The following CACNA2D3 variants were observed in gnomAD, a reference collection of about 807,000 sequenced individuals.
CACNA2D3 encodes voltage-dependent calcium channel subunit alpha-2/delta-3.
Under a neutral mutation model 160.6 loss-of-function variants are expected in CACNA2D3, and 60 were observed. The observed-to-expected ratio is 0.37, with a 90% CI of 0.30 to 0.46. CACNA2D3 has a LOEUF of 0.46. Ranked by LOEUF, CACNA2D3 falls within the 20% of genes least tolerant of loss-of-function variation. The pLI is 1.00. For synonymous variants in CACNA2D3, 558 were observed against 492.9 expected, an observed-to-expected ratio of 1.13 and a Z score of -1.75; for missense variants, 1,205 against 1,365.0, an observed-to-expected ratio of 0.88 and a Z score of 1.85.
At chr3:54,777,501 T>C (rs1277313944) in intron 13 of CACNA2D3, among the ~76,000 whole-genome samples, 1 of 152,234 alleles carries the variant, frequency 6.6e-6, no homozygotes, top group Non-Finnish European at 1.5e-5. Context: ...CAGTAGTTTA[T>C]TCAGGCAGAA....
intron 11 of CACNA2D3, among the ~76,000 whole-genome samples, chr3:54,643,888 C>T (rs1699579656): frequency 6.6e-6 from 1 of 152,164 alleles, no homozygotes; most frequent in South Asian, 2.1e-4. Flanking sequence ...ATAGAATGTT[C>T]ACAGATGTCA....
intron 11 of CACNA2D3, among the ~76,000 whole-genome samples, chr3:54,747,946 A>G (rs898195687): frequency 2.0e-5 from 3 of 152,208 alleles, no homozygotes; most frequent in African/African-American, 7.2e-5. Context: ...ATACATAAAC[A>G]TTCTCTATGA....
intron 4 of CACNA2D3, among the ~76,000 whole-genome samples, chr3:54,492,201 T>C (rs6804590): frequency 0.99 from 150,994 of 152,276 alleles, 74,875 homozygotes; most frequent in Middle Eastern, 1. Context: ...GACAGTGGCA[T>C]TAAAGGAGAG....
At chr3:54,191,811 C>T (rs1452680389) in intron 2 of CACNA2D3, among the ~76,000 whole-genome samples, 1 of 152,048 alleles carries the variant, frequency 6.6e-6, no homozygotes, top group East Asian at 1.9e-4. Context: ...GCAGGGCTGC[C>T]GTGAAGAGAG....
rs1700150870 is a variant in CACNA2D3 at position 54,894,774 on chromosome 3, A to C, written c.2247-1975A>C. On this transcript the variant is annotated intron_variant, in intron 25 of 37. Coordinates refer to ENST00000474759, the MANE Select transcript of CACNA2D3 (RefSeq NM_018398.3). Reference sequence around the variant, plus strand: ...TTCATGTCTAGCGAAAGAAATGAAAAGGCTAAAATTTCAGTATTCCTGAAG... The same window carrying C: ...TTCATGTCTAGCGAAAGAAATGAAACGGCTAAAATTTCAGTATTCCTGAAG... 4 of 429,088 alleles carry C rather than the reference A, an allele frequency of 9.3e-6. No individual in the cohort carries two copies. The Admixed American group carries it at 1.0e-4, about 11-fold the overall frequency. The allele number at this position is 429,088 out of a possible 1,614,324, so 26.6% of individuals were successfully genotyped here. A position where few individuals can be genotyped will look rare whatever the true frequency, so the allele number is the denominator to read the frequency against.
chr3:54,851,615 T>C (rs1452138604), intron 17 of CACNA2D3, among the ~76,000 whole-genome samples: 1 of 152,196 alleles, frequency 6.6e-6, no homozygotes, highest in African/African-American at 2.4e-5. Flanking sequence ...GAGGTAATCA[T>C]GTCAGAATCT....
At chr3:54,185,781 C>T (rs1251307217) in intron 2 of CACNA2D3, among the ~76,000 whole-genome samples, 1 of 152,166 alleles carries the variant, frequency 6.6e-6, no homozygotes, top group East Asian at 1.9e-4. Flanking sequence ...TTGGATTAGG[C>T]TTGCAGGTCA....
chr3:54,914,658 T>C (rs1700624179), intron 27 of CACNA2D3, among the ~76,000 whole-genome samples: 1 of 152,176 alleles, frequency 6.6e-6, no homozygotes, highest in Non-Finnish European at 1.5e-5. Flanking sequence ...CTTCTCTGAA[T>C]GGGGTAGGGG....
chr3:54,717,620 GTGTGCA>G (rs1701076980), intron 11 of CACNA2D3, among the ~76,000 whole-genome samples: 1 of 142,022 alleles, frequency 7.0e-6, no homozygotes, highest in East Asian at 2.2e-4. Flanking sequence ...GGTGTGTGTA[GTGTGCA>G]TGTGTGTGTG....
At chr3:54,564,159 G>A (rs7427383) in intron 6 of CACNA2D3, among the ~76,000 whole-genome samples, 1 of 151,806 alleles carries the variant, frequency 6.6e-6, no homozygotes, top group Non-Finnish European at 1.5e-5. Flanking sequence ...GTAGCCAACC[G>A]TCTCGCTATG....
intron 11 of CACNA2D3, among the ~76,000 whole-genome samples, chr3:54,734,457 A>G (rs1195844804): frequency 6.6e-6 from 1 of 152,176 alleles, no homozygotes; most frequent in East Asian, 1.9e-4. Context: ...GGAGGCCAGA[A>G]TAATATAAAA....
At chr3:54,514,959 A>G (rs1427741316) in intron 5 of CACNA2D3, among the ~76,000 whole-genome samples, 1 of 152,204 alleles carries the variant, frequency 6.6e-6, no homozygotes, top group Non-Finnish European at 1.5e-5. Context: ...CTGTAGAAAA[A>G]GAAAGCCGTT....
At chr3:54,486,920 G>C (rs1209064433) in intron 4 of CACNA2D3, among the ~76,000 whole-genome samples, 1 of 152,186 alleles carries the variant, frequency 6.6e-6, no homozygotes, top group Non-Finnish European at 1.5e-5. Context: ...GCATTTGCCT[G>C]TTTCTCTACC....
intron 4 of CACNA2D3, among the ~76,000 whole-genome samples, chr3:54,443,610 C>T (rs965131750): frequency 5.9e-5 from 9 of 152,142 alleles, no homozygotes. Flanking sequence ...CCTGGTGGAG[C>T]AGACAGATCC....
chr3:54,502,892 A>G (rs1213118367), intron 4 of CACNA2D3, among the ~76,000 whole-genome samples: 2 of 152,196 alleles, frequency 1.3e-5, no homozygotes, highest in Admixed American at 1.3e-4. Flanking sequence ...AAATCATGCC[A>G]GCACACTCCC....
At chr3:54,614,762 C>A (rs1197224386) in intron 9 of CACNA2D3, among the ~76,000 whole-genome samples, 1 of 152,070 alleles carries the variant, frequency 6.6e-6, no homozygotes. Context: ...TAGCAGGAAG[C>A]TATCAACTAC....
chr3:54,789,177 T>C (rs1702696793), intron 13 of CACNA2D3, among the ~76,000 whole-genome samples: 1 of 152,214 alleles, frequency 6.6e-6, no homozygotes, highest in Non-Finnish European at 1.5e-5. Flanking sequence ...AACAGTCTTA[T>C]GAGATAGGTA....
chr3:55,039,869 A>G (rs928142542), intron 35 of CACNA2D3, among the ~76,000 whole-genome samples: 2 of 152,220 alleles, frequency 1.3e-5, no homozygotes, highest in African/African-American at 4.8e-5. Context: ...TCAAGTGCTC[A>G]TGCTAATAGT....
At chr3:54,872,567 G>A (rs1699560088) in intron 18 of CACNA2D3, among the ~76,000 whole-genome samples, 3 of 152,146 alleles carry the variant, frequency 2.0e-5, no homozygotes, top group African/African-American at 7.2e-5. Flanking sequence ...GGGTTCTCAT[G>A]CCTTCCAGAA....
Sources: allele counts gnomAD v4.1 joint callset (sites outside exome capture counted in the v4.1 genomes callset), GRCh38; gene constraint gnomAD v4.1.1; transcripts MANE v1.5; gene names NCBI Gene and HGNC (gene_info 2026-07-23, HGNC 2026-07-21).